The following PDZD2 variants were observed in gnomAD, a reference collection of about 807,000 sequenced individuals.
PDZD2 encodes the protein PDZ domain-containing protein 2.
Under a neutral mutation model 220.7 loss-of-function variants are expected in PDZD2, and 90 were observed. That is an observed-to-expected ratio of 0.41 (90% CI 0.34 to 0.49). The LOEUF (loss-of-function observed/expected upper bound fraction) is 0.49, where lower values mean the gene tolerates loss of function less well. Ranked by LOEUF, PDZD2 falls within the 20% of genes least tolerant of loss-of-function variation. PDZD2 has a pLI of 0.28. For synonymous variants in PDZD2, 1,375 were observed against 1,450.5 expected (o/e 0.95, Z 1.18); for missense variants, 3,174 against 3,608.5 (o/e 0.88, Z 3.08).
chr5:31,920,357 TC>T (rs1744107521), intron 2 of PDZD2, among the ~76,000 whole-genome samples: 1 of 145,006 alleles, frequency 6.9e-6, no homozygotes, highest in South Asian at 2.2e-4. Flanking sequence ...TATCTCCTTT[TC>T]CCACACATGT....
chr5:31,821,467 G>C (rs974925388), intron 2 of PDZD2, among the ~76,000 whole-genome samples: 2 of 151,684 alleles, frequency 1.3e-5, no homozygotes, highest in African/African-American at 4.8e-5. Context: ...TGCAACCTCC[G>C]TCTCCCAGGT....
chr5:31,651,539 C>T (rs1360062051), intron 1 of PDZD2, among the ~76,000 whole-genome samples: 1 of 152,164 alleles, frequency 6.6e-6, no homozygotes. Context: ...CCACAGTTCT[C>T]ATTTGTTGGA....
At chr5:32,030,621 T>TCCTA in intron 6 of PDZD2, among the ~76,000 whole-genome samples, 1 of 152,348 alleles carries the variant, frequency 6.6e-6, no homozygotes, top group South Asian at 2.1e-4. Flanking sequence ...AGACCTTTTT[T>TCCTA]CCTAACATAC....
At chr5:32,003,554 C>G (rs1230953223) in intron 5 of PDZD2, among the ~76,000 whole-genome samples, 1 of 151,528 alleles carries the variant, frequency 6.6e-6, no homozygotes, top group Non-Finnish European at 1.5e-5. Context: ...AGGCATGTGT[C>G]TGCAGAGAAC....
chr5:31,674,831 G>A (rs1406996871), intron 1 of PDZD2, among the ~76,000 whole-genome samples: 2 of 152,054 alleles, frequency 1.3e-5, no homozygotes, highest in South Asian at 2.1e-4. Flanking sequence ...CAATGTGACC[G>A]CCCTTCCAGG....
In PDZD2 at chr5:32,088,364, G is replaced by C; in HGVS notation, c.4916G>C (p.Arg1639Thr). ...KVLSLKYSTP[R>T]ESVASPREKA... ...CTGTCATTAAAATACAGCACTCCGA[G>C]AGAGTCGGTGGCCAGTCCCCGTGAG... Residue 1639 changes from arginine to threonine, a missense_variant, in exon 20 of 25, where the codon AGA becomes ACA. This residue lies in a region of PDZD2 where 1,861 missense variants were observed against 2,001.0 expected (regional missense o/e 0.93). Transcript: ENST00000438447. This position sits in a 1 kb window ranked among gnomAD's most constrained non-coding sequence, Gnocchi z 4.6. 6.2e-7 allele frequency: 1 copy of C among 1,614,102 alleles called. No homozygotes were observed. The highest frequency in any genetic ancestry group is 2.2e-5 in the East Asian group (1 of 44,870).
chr5:31,999,108 G>A (rs1561301402), intron 4 of PDZD2, among the ~76,000 whole-genome samples: 1 of 152,262 alleles, frequency 6.6e-6, no homozygotes, highest in Non-Finnish European at 1.5e-5. Flanking sequence ...AGCCCAATGG[G>A]AAGAAAGTTG....
chr5:31,893,136 C>T lies in PDZD2; in HGVS notation c.477-90019C>T, dbSNP rs192026624. 1.8e-4 allele frequency among the ~76,000 whole-genome samples: 28 copies of T among 152,284 alleles called. No individual in the cohort carries two copies. In the East Asian group the frequency reaches 3.3e-3, roughly 18 times the overall value. On this transcript the variant is annotated intron_variant, in intron 2 of 24. Transcript: ENST00000438447. ...CTTGTACCCACTGACCAGGACCTTT[C>T]GCCCTTGCCCTTGTGAGGGTTGTTT...
chr5:31,697,832 G>A (rs1010534034), intron 1 of PDZD2, among the ~76,000 whole-genome samples: 21 of 152,244 alleles, frequency 1.4e-4, no homozygotes, highest in Non-Finnish European at 2.6e-4. Flanking sequence ...GTGGCTGAGC[G>A]CCTCTGGGCT....
chr5:31,851,701 C>T (rs1272515996), intron 2 of PDZD2, among the ~76,000 whole-genome samples: 1 of 152,156 alleles, frequency 6.6e-6, no homozygotes, highest in Non-Finnish European at 1.5e-5. Context: ...GCTAAGCACC[C>T]CTTTGTTTAC....
At chr5:32,057,759 C>G in intron 11 of PDZD2, 31 bp downstream of exon 11, 1 of 1,478,012 alleles carries the variant, frequency 6.8e-7, no homozygotes, top group Non-Finnish European at 9.4e-7. Context: ...CTCCTTTATC[C>G]TATTTTCCTT....
At chr5:31,673,138 G>A (rs963885852) in intron 1 of PDZD2, among the ~76,000 whole-genome samples, 7 of 152,214 alleles carry the variant, frequency 4.6e-5, no homozygotes, top group African/African-American at 1.7e-4. Context: ...CTAAAAGTCA[G>A]TGGCAGGGCT....
chr5:32,074,108 C>G lies in PDZD2; in HGVS notation c.3002C>G (p.Pro1001Arg). ...GPIRPLSEDDPRRVSISSSKG... is the reference protein window; with the variant it reads ...GPIRPLSEDDRRRVSISSSKG... ...ATCAGGCCTCTGTCAGAGGATGACCCGAGGCGTGTCTCAATTTCCTCTTCC... is the reference window on the plus strand; with the variant it reads ...ATCAGGCCTCTGTCAGAGGATGACCGGAGGCGTGTCTCAATTTCCTCTTCC... The change falls in exon 18 of 25, where the codon CCG becomes CGG. Residue 1001 changes from proline (P) to arginine (R), a missense_variant. Around this residue, in one of 4 missense-constraint regions of PDZD2, gnomAD observed 1,861 missense variants for 2,001.0 expected, o/e 0.93. Coordinates refer to ENST00000438447, the MANE Select transcript of PDZD2 (RefSeq NM_178140.4). 1 of 1,614,202 alleles carries G rather than the reference C, an allele frequency of 6.2e-7. No homozygotes were observed. Among genetic ancestry groups the G allele is most frequent in the Non-Finnish European group, 8.5e-7 (1 of 1,180,036 alleles).
intron 2 of PDZD2, among the ~76,000 whole-genome samples, chr5:31,836,288 G>A (rs1756938933): frequency 6.8e-6 from 1 of 148,112 alleles, no homozygotes; most frequent in African/African-American, 2.5e-5. Context: ...GTGCAGTGGA[G>A]TGGCATGATC....
At chr5:31,844,198 C>T (rs1333897507) in intron 2 of PDZD2, among the ~76,000 whole-genome samples, 1 of 151,928 alleles carries the variant, frequency 6.6e-6, no homozygotes, top group African/African-American at 2.4e-5. Flanking sequence ...GTGAAACACT[C>T]AATTGAATGG....
chr5:32,099,633 C>T (rs1410744328), intron 23 of PDZD2: 1 of 152,264 alleles, frequency 6.6e-6, no homozygotes, highest in African/African-American at 2.4e-5. Context: ...CCAAAACTGT[C>T]TCGACCACTT....
At chr5:31,682,146 A>G (rs1321516965) in intron 1 of PDZD2, among the ~76,000 whole-genome samples, 1 of 152,170 alleles carries the variant, frequency 6.6e-6, no homozygotes, top group Non-Finnish European at 1.5e-5. Flanking sequence ...CGAGGGTAGC[A>G]ATGATGGTCT....
intron 2 of PDZD2, among the ~76,000 whole-genome samples, chr5:31,859,797 G>A (rs1473953611): frequency 1.3e-5 from 2 of 152,152 alleles, no homozygotes; most frequent in African/African-American, 4.8e-5. Context: ...CTAAGAAGGA[G>A]GCATAGAACA....
chr5:31,823,342 C>T (rs1256592569), intron 2 of PDZD2, among the ~76,000 whole-genome samples: 1 of 151,728 alleles, frequency 6.6e-6, no homozygotes, highest in Non-Finnish European at 1.5e-5. Context: ...GTGGCGTGCA[C>T]CTGTAATCCC....
Sources: allele counts gnomAD v4.1 joint callset (sites outside exome capture counted in the v4.1 genomes callset), GRCh38; gene constraint gnomAD v4.1.1; regional missense constraint gnomAD v4.1.1; non-coding constraint Gnocchi (gnomAD v3.1); transcripts MANE v1.5; gene names NCBI Gene and HGNC (gene_info 2026-07-23, HGNC 2026-07-21).